SLC43A2: variants seen among roughly 807,000 people sequenced by gnomAD.
SLC43A2 encodes the protein solute carrier family 43 member 2.
In SLC43A2, 38 loss-of-function variants were observed where a neutral mutation model predicts 63.2. The ratio of observed to expected loss-of-function variants is 0.60; its 90% CI spans 0.46 to 0.79. The LOEUF is 0.79. Ranked by LOEUF, SLC43A2 falls within the 30% of genes least tolerant of loss-of-function variation. The pLI is 0.00. For synonymous variants in SLC43A2, 322 were observed against 331.0 expected, an observed-to-expected ratio of 0.97 and a Z score of 0.30; for missense variants, 644 against 756.2, an observed-to-expected ratio of 0.85 and a Z score of 1.74.
rs371084600 is a variant in SLC43A2 at position 1,584,718 on chromosome 17, C to G, written c.1217+1195G>C. ...GCCTGTAGTCCCAGATACTTGGAAG[C>G]CTGAGGCAGGAGAATGGTGTGAACC... On this transcript the variant is annotated intron_variant, in intron 10 of 13. Transcript: ENST00000301335. 2.9e-4 allele frequency among the ~76,000 whole-genome samples: 44 copies of G among 151,600 alleles called. No individual in the cohort carries two copies. In the East Asian group the frequency reaches 4.3e-3, roughly 15 times the overall value.
chr17:1,617,680 C>T (rs541124963), intron 2 of SLC43A2, among the ~76,000 whole-genome samples: 1 of 152,346 alleles, frequency 6.6e-6, no homozygotes, highest in Non-Finnish European at 1.5e-5. Context: ...CGTGAGCCGC[C>T]ACACCCAGCC....
At chr17:1,587,558 C>G (rs1329028876) in intron 9 of SLC43A2, among the ~76,000 whole-genome samples, 1 of 152,214 alleles carries the variant, frequency 6.6e-6, no homozygotes, top group African/African-American at 2.4e-5. Context: ...GGCCTGGTGG[C>G]CCCTGAGCTG....
chr17:1,583,476 G>T lies in SLC43A2; in HGVS notation c.1218-140C>A. 7.0e-7 allele frequency: 1 copy of T among 1,434,476 alleles called. No individual in the cohort carries two copies. The highest frequency in any genetic ancestry group is 2.4e-5 in the East Asian group (1 of 40,952). 88.9% of individuals were successfully genotyped at this position (1,434,476 alleles called of 1,614,324 possible). ...CACCCAGGCACGTTTTAGGGACTGTGTCGGGGCTGGACCAGCACTACGGAC... is the reference window on the plus strand; with the variant it reads ...CACCCAGGCACGTTTTAGGGACTGTTTCGGGGCTGGACCAGCACTACGGAC... On this transcript the variant is annotated intron_variant, in intron 10 of 13. Transcript: ENST00000301335. This position sits in a 1 kb window ranked among gnomAD's most constrained non-coding sequence, Gnocchi z 5.5.
chr17:1,576,565 C>T, intron 13 of SLC43A2, 32 bp downstream of exon 13: 4 of 1,582,708 alleles, frequency 2.5e-6, no homozygotes, highest in Non-Finnish European at 3.4e-6. Context: ...GGGGCAGGCG[C>T]CCATGACCCA....
intron 5 of SLC43A2, among the ~76,000 whole-genome samples, chr17:1,608,068 C>T (rs974146058): frequency 2.0e-5 from 3 of 152,226 alleles, no homozygotes; most frequent in African/African-American, 4.8e-5. Context: ...GTCACGACTG[C>T]GTTGACTCTG....
At position 1,590,933 on chromosome 17, in the gene SLC43A2, A is replaced by G; in HGVS notation, c.947T>C (p.Met316Thr). The G allele has an allele frequency of 6.4e-7, 1 of 1,550,772 alleles. No homozygotes were observed. Among genetic ancestry groups the G allele is most frequent in the Non-Finnish European group, 8.7e-7 (1 of 1,147,158 alleles). ...CAGGATGGGGCTGAACACGCTGTGCATGAAGGAGGGGGCCACTGCAGGGAG... is the reference window on the plus strand; with the variant it reads ...CAGGATGGGGCTGAACACGCTGTGCGTGAAGGAGGGGGCCACTGCAGGGAG... ...QPDAAVAPSFMHSVFSPILLL... is the reference protein window; with the variant it reads ...QPDAAVAPSFTHSVFSPILLL... The change falls in exon 9 of 14, where the codon ATG (methionine) becomes ACG (threonine). Residue 316 changes from methionine to threonine, a missense_variant. Coordinates refer to ENST00000301335, the MANE Select transcript of SLC43A2 (RefSeq NM_152346.3).
At chr17:1,586,422 C>A (rs745825082) in intron 9 of SLC43A2, among the ~76,000 whole-genome samples, 1 of 152,094 alleles carries the variant, frequency 6.6e-6, no homozygotes, top group Non-Finnish European at 1.5e-5. Context: ...AACGGCTGGG[C>A]GCGGTGGCTC....
intron 10 of SLC43A2, among the ~76,000 whole-genome samples, chr17:1,584,220 A>C (rs2076066264): frequency 6.6e-6 from 1 of 151,912 alleles, no homozygotes; most frequent in Admixed American, 6.6e-5. Context: ...ATCTCTCGTG[A>C]ATGAACGATT....
At chr17:1,586,929 C>CCCCCCCCCCCCCCCCCCCCCCCCCGCCCT in intron 9 of SLC43A2, 2 of 657,350 alleles carry the variant, frequency 3.0e-6, no homozygotes, top group Non-Finnish European at 4.9e-6. Context: ...CCCTGACAAT[C>CCCCCCCCCCCCCCCCCCCCCCCCCGCCCT]CCCCCCACCC....
In SLC43A2 at chr17:1,575,785, G is replaced by T. The variant is rs375311814; in HGVS notation, c.1549-20C>A. 1.0e-5 allele frequency: 16 copies of T among 1,596,770 alleles called. No individual in the cohort carries two copies. The highest frequency in any genetic ancestry group is 6.7e-5 in the African/African-American group (5 of 74,614). On this transcript the variant is annotated intron_variant, in intron 13 of 13. Transcript: ENST00000301335. The stretch of plus-strand genomic sequence containing the variant: ...GTTCACCTGGGGAGGCAGGGAGGCC[G>T]CGCATCACAGGGCGTGGTGGTGCGC...
intron 5 of SLC43A2, among the ~76,000 whole-genome samples, chr17:1,599,615 C>T (rs974146157): frequency 5.4e-5 from 8 of 147,622 alleles, no homozygotes; most frequent in Non-Finnish European, 9.0e-5. Flanking sequence ...GCAGCAGAAT[C>T]GCTTGAACTT....
Position 1,616,672 on chromosome 17 carries a change from C to T in SLC43A2, c.258G>A (p.Glu86=). The change falls in exon 3 of 14, where the codon GAG becomes GAA. Residue 86 remains glutamate, a synonymous_variant. Transcript: ENST00000301335. The part of the protein sequence containing the change: ...NGWLSCQAQD[E]MLNLAFTVGS... ...CCACAGTGAAGGCCAAATTTAGCAT[C>T]TCGTCCTGGGCCTGGCAGCTGAGCC... The T allele has an allele frequency of 6.2e-7, 1 of 1,614,196 alleles. No homozygotes were observed. Among genetic ancestry groups the T allele is most frequent in the Non-Finnish European group, 8.5e-7 (1 of 1,180,044 alleles).
At position 1,578,197 on chromosome 17, in the gene SLC43A2, C is replaced by T. The variant is rs988254608; in HGVS notation, c.1424+53G>A. On this transcript the variant is annotated intron_variant, in intron 12 of 13. Transcript: ENST00000301335. This position sits in a 1 kb window ranked among gnomAD's most constrained non-coding sequence, Gnocchi z 6.5. ...CTCAGTCCCACCAGCAACCTCCCCC[C>T]GGCCATTCCCACACCCTCGCCCACC... 18 of 1,569,536 alleles carry T rather than the reference C, an allele frequency of 1.1e-5. No homozygotes were observed. Among genetic ancestry groups the T allele is most frequent in the South Asian group, 5.6e-5 (5 of 90,008 alleles).
At chr17:1,590,738 G>T (rs557559695) in intron 9 of SLC43A2, 64 bp downstream of exon 9, 7 of 1,538,838 alleles carry the variant, frequency 4.5e-6, no homozygotes, top group Non-Finnish European at 6.1e-6. Flanking sequence ...CATTCTGGCC[G>T]GTGGCCAGTG....
chr17:1,598,303 C>T (rs1037367925), intron 5 of SLC43A2, among the ~76,000 whole-genome samples: 2 of 152,026 alleles, frequency 1.3e-5, no homozygotes, highest in African/African-American at 2.4e-5. Flanking sequence ...TGCCTGTAGT[C>T]CCAGCTACTG....
intron 2 of SLC43A2, among the ~76,000 whole-genome samples, chr17:1,625,341 A>G (rs187399003): frequency 2.0e-4 from 31 of 152,364 alleles, no homozygotes; most frequent in East Asian, 3.9e-4. Context: ...AAAGAGTTCT[A>G]AGAACCTTTC....
chr17:1,604,963 A>C, intron 5 of SLC43A2: 1 of 1,485,716 alleles, frequency 6.7e-7, no homozygotes, highest in Non-Finnish European at 8.9e-7. Flanking sequence ...AGCGCTGAGC[A>C]GAGCGCCCTA....
In SLC43A2 at chr17:1,593,397, T is replaced by A; in HGVS notation, c.502-118A>T. 4.6e-6 allele frequency: 4 copies of A among 872,928 alleles called. No homozygotes were observed. Among genetic ancestry groups the A allele is most frequent in the Non-Finnish European group, 7.4e-6 (4 of 540,326 alleles). The allele number at this position is 872,928 out of a possible 1,614,324, so 54.1% of individuals were successfully genotyped here. Reference sequence around the variant, plus strand: ...TTCTTCACCTGCGCCCCTTCCTGTGTGACTCACAGGGGCATTAGTTCAGGG... The same window carrying A: ...TTCTTCACCTGCGCCCCTTCCTGTGAGACTCACAGGGGCATTAGTTCAGGG... On this transcript the variant is annotated intron_variant, in intron 5 of 13. Coordinates refer to ENST00000301335, the MANE Select transcript of SLC43A2 (RefSeq NM_152346.3). The surrounding 1 kb of genome is among the most constrained non-coding windows in gnomAD (Gnocchi z 5.3).
chr17:1,594,787 A>C (rs1476658338), intron 5 of SLC43A2, among the ~76,000 whole-genome samples: 2 of 151,308 alleles, frequency 1.3e-5, no homozygotes, highest in Admixed American at 6.6e-5. Context: ...ACGGGGTTTC[A>C]CCACGTTAGC....
Sources: gnomAD v4.1 joint callset for allele counts (sites outside exome capture counted in the v4.1 genomes callset) on GRCh38, gnomAD v4.1.1 for gene constraint, Gnocchi (gnomAD v3.1) non-coding constraint, MANE v1.5 for transcripts, NCBI Gene and HGNC (gene_info 2026-07-23, HGNC 2026-07-21) for gene names.